MEIS2: variants seen among roughly 807,000 people sequenced by gnomAD.
MEIS2 encodes the protein Meis homeobox 2.
In MEIS2, 9 loss-of-function variants were observed where a neutral mutation model predicts 58.6. The observed-to-expected ratio is 0.15, with a 90% CI of 0.09 to 0.27. The LOEUF is 0.27. Ranked by LOEUF, MEIS2 falls within the 10% of genes least tolerant of loss-of-function variation. The pLI is 1.00. For synonymous variants in MEIS2, 221 were observed against 228.4 expected, an observed-to-expected ratio of 0.97 and a Z score of 0.29; for missense variants, 427 against 635.0, an observed-to-expected ratio of 0.67 and a Z score of 3.52.
intron 9 of MEIS2, among the ~76,000 whole-genome samples, chr15:36,931,329 T>C (rs545555427): frequency 6.6e-6 from 1 of 152,338 alleles, no homozygotes; most frequent in East Asian, 1.9e-4. Context: ...TGTACTACTG[T>C]ATCTGAGGCT....
At chr15:37,087,515 G>T (rs1893028083) in intron 6 of MEIS2, among the ~76,000 whole-genome samples, 1 of 152,060 alleles carries the variant, frequency 6.6e-6, no homozygotes, top group Non-Finnish European at 1.5e-5. Flanking sequence ...ACAGGAGAGC[G>T]CTCTGCTGCT....
chr15:36,895,000 T>TC, intron 11 of MEIS2, 151 bp downstream of exon 11: 1 of 900,766 alleles, frequency 1.1e-6, no homozygotes, highest in Admixed American at 2.4e-5. Flanking sequence ...AGAGGAATTT[T>TC]TTCCCCCACC....
Position 37,063,751 on chromosome 15 carries a change from T to C in MEIS2, c.754+20020A>G, listed in dbSNP as rs192534439. On this transcript the variant is annotated intron_variant, in intron 7 of 11. Coordinates refer to ENST00000561208, the MANE Select transcript of MEIS2 (RefSeq NM_170675.5). ...AAGCTAGTATCTGGAAAGATGGTGATTGAATTCCAGATGGCACTCTTTAAA... is the reference window on the plus strand; with the variant it reads ...AAGCTAGTATCTGGAAAGATGGTGACTGAATTCCAGATGGCACTCTTTAAA... 1.3e-4 allele frequency among the ~76,000 whole-genome samples: 20 copies of C among 152,298 alleles called. No individual in the cohort carries two copies. The East Asian group carries it at 3.5e-3, about 26-fold the overall frequency.
In MEIS2 at chr15:36,890,320, G is replaced by A. The variant is rs1451033389; in HGVS notation, c.*1853C>T. On this transcript the variant is annotated 3_prime_UTR_variant, in exon 12 of 12. Transcript: ENST00000561208. The stretch of plus-strand genomic sequence containing the variant: ...GTTTGTGCAGTATCAATAAGCTAAT[G>A]GTATAGATTTCCAGGAATGTTGCAT... 1 of 152,094 alleles carries A rather than the reference G, an allele frequency of 6.6e-6. No individual in the cohort carries two copies. The highest frequency in any genetic ancestry group is 1.9e-4 in the East Asian group (1 of 5,198). 9.4% of individuals were successfully genotyped at this position (152,094 alleles called of 1,614,324 possible). A position where few individuals can be genotyped will look rare whatever the true frequency, so the allele number is the denominator to read the frequency against.
intron 8 of MEIS2, among the ~76,000 whole-genome samples, chr15:36,987,817 C>T (rs979637042): frequency 1.3e-5 from 2 of 151,624 alleles, no homozygotes; most frequent in Non-Finnish European, 2.9e-5. Context: ...ATTCAGTCAC[C>T]AAACTGACCA....
At position 37,013,881 on chromosome 15, in the gene MEIS2, G is replaced by A. The variant is rs77552171; in HGVS notation, c.900+22933C>T. Among the ~76,000 whole-genome samples the A allele has an allele frequency of 6.3e-4, 96 of 152,202 alleles. 1 individual carries two copies. In the East Asian group the frequency reaches 0.016, roughly 25 times the overall value. ...TTACTCCTCTTTCCAGTATAAGCAG[G>A]CCACCTTACAGTATACTTGTGACAG... On this transcript the variant is annotated intron_variant, in intron 8 of 11. Transcript: ENST00000561208.
intron 8 of MEIS2, among the ~76,000 whole-genome samples, chr15:37,024,573 G>A (rs951460182): frequency 6.6e-6 from 1 of 152,132 alleles, no homozygotes; most frequent in Admixed American, 6.5e-5. Context: ...TTCATATTCT[G>A]TGCTTTCGTC....
intron 7 of MEIS2, among the ~76,000 whole-genome samples, chr15:37,061,872 T>A (rs1889262111): frequency 6.6e-6 from 1 of 152,122 alleles, no homozygotes. Flanking sequence ...CATCTTAAAA[T>A]AACTTTTCAA....
At chr15:36,996,250 C>T (rs2060517940) in intron 8 of MEIS2, among the ~76,000 whole-genome samples, 1 of 151,844 alleles carries the variant, frequency 6.6e-6, no homozygotes, top group Non-Finnish European at 1.5e-5. Context: ...TTGATGAAGG[C>T]CAGCTTTCCA....
chr15:36,911,007 T>G (rs955975611), intron 9 of MEIS2, among the ~76,000 whole-genome samples: 2 of 142,710 alleles, frequency 1.4e-5, no homozygotes, highest in African/African-American at 5.3e-5. Flanking sequence ...ATCGCGCCAC[T>G]GCACTCCAGC....
At position 36,985,659 on chromosome 15, in the gene MEIS2, C is replaced by T. The variant is rs188614607; in HGVS notation, c.901-35259G>A. On this transcript the variant is annotated intron_variant, in intron 8 of 11. Coordinates refer to ENST00000561208, the MANE Select transcript of MEIS2 (RefSeq NM_170675.5). ...ATAAGGATTGTATTTATTAGAATGCCCTGCACCACTGTTAACATCCCCCTA... is the reference window on the plus strand; with the variant it reads ...ATAAGGATTGTATTTATTAGAATGCTCTGCACCACTGTTAACATCCCCCTA... Among the ~76,000 whole-genome samples, 253 of 152,228 alleles carry T rather than the reference C, an allele frequency of 1.7e-3. 1 individual carries two copies. Among genetic ancestry groups the T allele is most frequent in the Non-Finnish European group, 2.4e-3 (160 of 68,020 alleles).
At chr15:37,001,387 G>T (rs963714806) in intron 8 of MEIS2, among the ~76,000 whole-genome samples, 17 of 152,156 alleles carry the variant, frequency 1.1e-4, no homozygotes, top group Middle Eastern at 3.4e-3. Flanking sequence ...CTTTAGTTCT[G>T]CATTTCAAAT....
intron 9 of MEIS2, among the ~76,000 whole-genome samples, chr15:36,926,821 C>T (rs1187566167): frequency 6.6e-6 from 1 of 152,194 alleles, no homozygotes; most frequent in Non-Finnish European, 1.5e-5. Flanking sequence ...TGCATGCGTG[C>T]ACACACTCCA....
intron 7 of MEIS2, among the ~76,000 whole-genome samples, chr15:37,043,307 T>C (rs561854882): frequency 5.9e-5 from 9 of 152,262 alleles, no homozygotes; most frequent in Admixed American, 3.9e-4. Context: ...TTTGTAGCAA[T>C]AAAAATTTAC....
rs4299108 is a variant in MEIS2 at position 37,046,498 on chromosome 15, C to G, written c.755-9539G>C. Among the ~76,000 whole-genome samples the G allele has an allele frequency of 4.4e-3, 663 of 152,098 alleles. 3 individuals carry two copies. Among genetic ancestry groups the G allele is most frequent in the African/African-American group, 0.015 (629 of 41,508 alleles). ...TTCAGACTGCAGCTTGGATGAAAAC[C>G]ACTTCACCCACTGGTTGGAAAAATA... On this transcript the variant is annotated intron_variant, in intron 7 of 11. Transcript: ENST00000561208.
intron 8 of MEIS2, among the ~76,000 whole-genome samples, chr15:36,966,382 C>G (rs2059357652): frequency 6.6e-6 from 1 of 152,110 alleles, no homozygotes; most frequent in Non-Finnish European, 1.5e-5. Context: ...AATAATTTTA[C>G]AGTAACTTTT....
intron 8 of MEIS2, among the ~76,000 whole-genome samples, chr15:36,992,946 T>C (rs1000355207): frequency 5.3e-5 from 8 of 152,182 alleles, no homozygotes; most frequent in African/African-American, 9.7e-5. Context: ...TTTCTAATAC[T>C]TACCCTTCCT....
At chr15:37,055,420 T>G (rs2063100724) in intron 7 of MEIS2, among the ~76,000 whole-genome samples, 1 of 152,086 alleles carries the variant, frequency 6.6e-6, no homozygotes, top group Non-Finnish European at 1.5e-5. Flanking sequence ...GTGTGTGTGT[T>G]TTTCCCCCCA....
chr15:37,094,670 G>A (rs955244546), intron 4 of MEIS2, 93 bp from the exon 5 acceptor site: 2 of 1,044,832 alleles, frequency 1.9e-6, no homozygotes. Context: ...TGGTGAGAAA[G>A]TTGGGCTGGG....
Sources: gnomAD v4.1 joint callset for allele counts (sites outside exome capture counted in the v4.1 genomes callset) on GRCh38, gnomAD v4.1.1 for gene constraint, MANE v1.5 for transcripts, NCBI Gene and HGNC (gene_info 2026-07-23, HGNC 2026-07-21) for gene names.